Variants in TNFSF18 observed in about 807,000 individuals in gnomAD.
TNFSF18 encodes TNF superfamily member 18, also known as tumor necrosis factor ligand superfamily member 18.
TNFSF18 carries 6 observed loss-of-function variants against 9.6 expected under a neutral mutation model. The observed-to-expected ratio is 0.63, with a 90% CI of 0.34 to 1.24. TNFSF18 has a LOEUF of 1.24. TNFSF18 is among the 50% of genes most tolerant of loss of function. TNFSF18 has a pLI of 0.03. For synonymous variants in TNFSF18, 68 were observed against 71.7 expected (o/e 0.95, Z 0.26); for missense variants, 210 against 201.0 (o/e 1.04, Z -0.27).
Position 173,041,231 on chromosome 1 carries a change from T to C in TNFSF18, c.*136A>G. 2 of 713,110 alleles carry C rather than the reference T, an allele frequency of 2.8e-6. No individual in the cohort carries two copies. The highest frequency in any genetic ancestry group is 4.4e-5 in the South Asian group (2 of 45,046). The allele number at this position is 713,110 out of a possible 1,614,324, so 44.2% of individuals were successfully genotyped here. A position where few individuals can be genotyped will look rare whatever the true frequency, so the allele number is the denominator to read the frequency against. The stretch of plus-strand genomic sequence containing the variant: ...TTCAGATAGGCATGATAGATGAAAA[T>C]TCACGTGCAGAGGAGTTCTGTTTGT... On this transcript the variant is annotated 3_prime_UTR_variant, in exon 3 of 3. Coordinates refer to ENST00000404377, the MANE Select transcript of TNFSF18 (RefSeq NM_005092.4).
chr1:173,044,069 T>C, intron 1 of TNFSF18, 100 bp from the exon 2 acceptor site: 1 of 1,117,730 alleles, frequency 8.9e-7, no homozygotes, highest in Non-Finnish European at 1.4e-6. Flanking sequence ...AGCAAACTAG[T>C]GTTCTATAAC....
intron 1 of TNFSF18, among the ~76,000 whole-genome samples, chr1:173,050,354 TAA>T (rs1483694868): frequency 6.6e-6 from 1 of 152,162 alleles, no homozygotes; most frequent in Non-Finnish European, 1.5e-5. Context: ...ACTATTTTTT[TAA>T]GTCTTTTCCA....
In TNFSF18 at chr1:173,039,721, T is replaced by C. The variant is rs535621549; in HGVS notation, c.*1646A>G. Among the ~76,000 whole-genome samples the C allele has an allele frequency of 2.7e-5, 4 of 149,956 alleles. No individual in the cohort carries two copies. Among genetic ancestry groups the C allele is most frequent in the Non-Finnish European group, 5.9e-5 (4 of 67,686 alleles). On this transcript the variant is annotated 3_prime_UTR_variant, in exon 3 of 3. Transcript: ENST00000404377. ...CACCAAGATTTTATAAGTATACATATATATACACACACACATATACACACA... is the reference window on the plus strand; with the variant it reads ...CACCAAGATTTTATAAGTATACATACATATACACACACACATATACACACA...
chr1:173,042,161 A>G (rs969570965), intron 2 of TNFSF18, among the ~76,000 whole-genome samples: 1 of 152,142 alleles, frequency 6.6e-6, no homozygotes, highest in African/African-American at 2.4e-5. Context: ...TAATTATGCT[A>G]TATTAAAAAG....
At chr1:173,043,894 T>C (rs891309204) in intron 2 of TNFSF18, 45 bp downstream of exon 2, 1 of 1,569,618 alleles carries the variant, frequency 6.4e-7, no homozygotes, top group South Asian at 1.1e-5. Flanking sequence ...CCTTCTTGCA[T>C]CAAAAACTAA....
chr1:173,045,321 G>A (rs1212422966), intron 1 of TNFSF18, among the ~76,000 whole-genome samples: 3 of 152,144 alleles, frequency 2.0e-5, no homozygotes, highest in Non-Finnish European at 4.4e-5. Flanking sequence ...AGTCTGAAAG[G>A]AAACTAGGAG....
rs756357580 is a variant in TNFSF18 at position 173,041,511 on chromosome 1, T to TTTG, written c.387_389dup (p.Asn129dup). 132 of 1,613,518 alleles carry TTTG rather than the reference T, an allele frequency of 8.2e-5. No individual in the cohort carries two copies. The highest frequency in any genetic ancestry group is 4.3e-4 in the Admixed American group (26 of 59,928). On this transcript the variant is annotated inframe_insertion, in exon 3 of 3. Coordinates refer to ENST00000404377, the MANE Select transcript of TNFSF18 (RefSeq NM_005092.4). ...TCCCTCCTACATTTTGGATTTTAGA[T>TTTG]TTGTTTGTTAGAGTTTGTATCATGT...
intron 2 of TNFSF18, 103 bp from the exon 3 acceptor site, chr1:173,041,816 CTT>C: frequency 2.2e-6 from 2 of 899,526 alleles, no homozygotes; most frequent in Non-Finnish European, 3.1e-6. Context: ...CATGTTGTTT[CTT>C]TACCTGATCT....
In TNFSF18 at chr1:173,043,956, GGCT is replaced by G; in HGVS notation, c.167_169del (p.Glu56_Pro57delinsAla). 9 of 1,612,810 alleles carry G rather than the reference GGCT, an allele frequency of 5.6e-6. No homozygotes were observed. The highest frequency in any genetic ancestry group is 7.6e-6 in the Non-Finnish European group (9 of 1,178,996). Reference sequence around the variant, plus strand: ...TTACTCACCAAACTTAGCCATACAGGGCTCCTTAGCAGTCTGTTGGGGAAATAA... The same window carrying G: ...TTACTCACCAAACTTAGCCATACAGGCCTTAGCAGTCTGTTGGGGAAATAA... On this transcript the variant is annotated inframe_deletion, in exon 2 of 3. Coordinates refer to ENST00000404377, the MANE Select transcript of TNFSF18 (RefSeq NM_005092.4).
chr1:173,041,818 T>TAATGATACGGC, intron 2 of TNFSF18, 105 bp from the exon 3 acceptor site: 6 of 945,794 alleles, frequency 6.3e-6, no homozygotes, highest in Admixed American at 6.2e-5. Context: ...TGTTGTTTCT[T>TAATGATACGGC]TACCTGATCT....
At chr1:173,044,715 G>A (rs928690103) in intron 1 of TNFSF18, among the ~76,000 whole-genome samples, 15 of 152,206 alleles carry the variant, frequency 9.9e-5, no homozygotes, top group African/African-American at 2.4e-4. Flanking sequence ...GAACTTAAAC[G>A]TGTTGCACAC....
chr1:173,039,317 G>A lies in TNFSF18; in HGVS notation c.*2050C>T, dbSNP rs1664950130. On this transcript the variant is annotated 3_prime_UTR_variant, in exon 3 of 3. Coordinates refer to ENST00000404377, the MANE Select transcript of TNFSF18 (RefSeq NM_005092.4). ...AATTATAACATCAGGAAAATGTAAA[G>A]GTCACCTGTTGGTAGTCATCCCTCT... 6.6e-6 allele frequency among the ~76,000 whole-genome samples: 1 copy of A among 152,118 alleles called. No individual in the cohort carries two copies. The highest frequency in any genetic ancestry group is 6.6e-5 in the Admixed American group (1 of 15,258).
At chr1:173,044,883 T>C (rs1665054407) in intron 1 of TNFSF18, among the ~76,000 whole-genome samples, 2 of 152,182 alleles carry the variant, frequency 1.3e-5, no homozygotes. Flanking sequence ...TAGATGGTGA[T>C]ACTTGGTTGG....
At chr1:173,044,197 G>A (rs907371856) in intron 1 of TNFSF18, among the ~76,000 whole-genome samples, 2 of 151,740 alleles carry the variant, frequency 1.3e-5, no homozygotes, top group African/African-American at 4.8e-5. Context: ...TTTAGACAAA[G>A]GTCAAGATCT....
intron 1 of TNFSF18, among the ~76,000 whole-genome samples, chr1:173,049,212 G>A (rs1465109660): frequency 2.0e-5 from 3 of 152,120 alleles, no homozygotes; most frequent in African/African-American, 7.2e-5. Context: ...GAACTGCTGG[G>A]TGCCTTTGGG....
At chr1:173,044,565 T>G (rs1218528218) in intron 1 of TNFSF18, among the ~76,000 whole-genome samples, 5 of 152,120 alleles carry the variant, frequency 3.3e-5, no homozygotes, top group African/African-American at 1.2e-4. Context: ...CATCAGTGTG[T>G]GGTTAATTTT....
rs545354858 is a variant in TNFSF18 at position 173,048,367 on chromosome 1, A to C, written c.156+2374T>G. 2.6e-5 allele frequency among the ~76,000 whole-genome samples: 4 copies of C among 152,316 alleles called. No homozygotes were observed. The East Asian group carries it at 7.7e-4, about 29-fold the overall frequency. On this transcript the variant is annotated intron_variant, in intron 1 of 2. Transcript: ENST00000404377. ...TTACGTAGTTCGGCTCAAAATGGCCAAAACAATCATTCTCTCTCCAAACCA... is the reference window on the plus strand; with the variant it reads ...TTACGTAGTTCGGCTCAAAATGGCCCAAACAATCATTCTCTCTCCAAACCA...
At chr1:173,048,172 G>A (rs1481822177) in intron 1 of TNFSF18, among the ~76,000 whole-genome samples, 1 of 152,186 alleles carries the variant, frequency 6.6e-6, no homozygotes, top group Non-Finnish European at 1.5e-5. Flanking sequence ...CACCCAGCCT[G>A]TCTGGGTCAA....
At chr1:173,049,255 T>C (rs1177358329) in intron 1 of TNFSF18, among the ~76,000 whole-genome samples, 5 of 152,208 alleles carry the variant, frequency 3.3e-5, no homozygotes, top group African/African-American at 1.2e-4. Context: ...CTGAGTCATA[T>C]GTAGGAACTG....
Sources: allele counts gnomAD v4.1 joint callset (sites outside exome capture counted in the v4.1 genomes callset), GRCh38; gene constraint gnomAD v4.1.1; transcripts MANE v1.5; gene names NCBI Gene and HGNC (gene_info 2026-07-23, HGNC 2026-07-21).